BRD10: variants seen among roughly 807,000 people sequenced by gnomAD.
BRD10 encodes the protein bromodomain containing 10.
At chr9:5,921,159 C>T in the BRD10 span, 4 of 1,613,848 alleles carry the variant, frequency 2.5e-6, no homozygotes, top group Non-Finnish European at 3.4e-6. Context: ...AAAATATAGC[C>T]CTTGCTACTT....
chr9:5,916,525 G>GTA, the BRD10 span, among the ~76,000 whole-genome samples: 1 of 147,022 alleles, frequency 6.8e-6, no homozygotes, highest in Non-Finnish European at 1.5e-5. Flanking sequence ...ACATATGTGT[G>GTA]TATATATATG....
At chr9:5,964,009 TCCAAAACA>T in the BRD10 span, among the ~76,000 whole-genome samples, 3 of 151,914 alleles carry the variant, frequency 2.0e-5, no homozygotes, top group Admixed American at 6.6e-5. Flanking sequence ...GGACTTCATG[TCCAAAACA>T]CCAAAAGCAA....
chr9:5,924,629 T>A, the BRD10 span: 9 of 1,389,452 alleles, frequency 6.5e-6, no homozygotes, highest in Non-Finnish European at 7.7e-6. Flanking sequence ...GCCTTCAGTG[T>A]TGACTTAAAA....
At chr9:5,949,490 G>C in the BRD10 span, among the ~76,000 whole-genome samples, 2 of 152,160 alleles carry the variant, frequency 1.3e-5, no homozygotes, top group African/African-American at 4.8e-5. Flanking sequence ...GAGAAGTATA[G>C]TTTTTTCAGA....
the BRD10 span, among the ~76,000 whole-genome samples, chr9:6,000,173 A>C: frequency 6.6e-6 from 1 of 152,122 alleles, no homozygotes; most frequent in Non-Finnish European, 1.5e-5. Context: ...CTTTTTTCAA[A>C]GTGTACATAC....
the BRD10 span, among the ~76,000 whole-genome samples, chr9:5,886,353 T>G: frequency 6.6e-6 from 1 of 152,196 alleles, no homozygotes; most frequent in Admixed American, 6.5e-5. Context: ...ACCCTGGGGC[T>G]GGTGTGGGGG....
At chr9:5,987,859 T>C in the BRD10 span, among the ~76,000 whole-genome samples, 3 of 152,308 alleles carry the variant, frequency 2.0e-5, no homozygotes, top group African/African-American at 4.8e-5. Flanking sequence ...ATCACTCTTA[T>C]GCTCCCAGAC....
At chr9:5,917,971 A>G in the BRD10 span, among the ~76,000 whole-genome samples, 5 of 152,360 alleles carry the variant, frequency 3.3e-5, no homozygotes, top group African/African-American at 1.2e-4. Flanking sequence ...CTGAGACAAA[A>G]GGCAAACAGT....
chr9:5,955,210 A>G, the BRD10 span, among the ~76,000 whole-genome samples: 1 of 152,172 alleles, frequency 6.6e-6, no homozygotes, highest in Non-Finnish European at 1.5e-5. Flanking sequence ...AATACTAGAT[A>G]CAGGACACTG....
the BRD10 span, among the ~76,000 whole-genome samples, chr9:5,933,417 A>G: frequency 3.3e-5 from 5 of 152,200 alleles, no homozygotes; most frequent in African/African-American, 4.8e-5. Context: ...AAAGACATAC[A>G]ATATAATTTA....
the BRD10 span, chr9:5,921,435 T>G: frequency 1.4e-5 from 23 of 1,613,738 alleles, no homozygotes; most frequent in Non-Finnish European, 1.9e-5. Context: ...GCAACAAGAG[T>G]TGGGGTTGAT....
chr9:6,004,993 G>A, the BRD10 span, among the ~76,000 whole-genome samples: 3 of 152,098 alleles, frequency 2.0e-5, no homozygotes, highest in African/African-American at 7.2e-5. Context: ...ACTACTTTTT[G>A]CTACTAAAAT....
chr9:6,006,098 C>A, the BRD10 span, among the ~76,000 whole-genome samples: 1 of 152,184 alleles, frequency 6.6e-6, no homozygotes, highest in Non-Finnish European at 1.5e-5. Context: ...AAGTATAATG[C>A]CGTTTCAGAT....
At chr9:5,969,395 T>G in the BRD10 span, 3 of 1,596,292 alleles carry the variant, frequency 1.9e-6, no homozygotes. Flanking sequence ...TATTTCCTTT[T>G]GACTAGCTTC....
At chr9:6,000,871 C>G in the BRD10 span, among the ~76,000 whole-genome samples, 1 of 152,062 alleles carries the variant, frequency 6.6e-6, no homozygotes, top group Non-Finnish European at 1.5e-5. Context: ...GCCATTGGCT[C>G]CCTTGTATTT....
chr9:5,998,910 T>C, the BRD10 span, among the ~76,000 whole-genome samples: 9 of 152,136 alleles, frequency 5.9e-5, no homozygotes, highest in South Asian at 8.3e-4. Context: ...CAGTAGTCTG[T>C]GGAATACCTT....
the BRD10 span, among the ~76,000 whole-genome samples, chr9:5,936,020 T>A: frequency 4.6e-5 from 7 of 152,208 alleles, no homozygotes; most frequent in East Asian, 1.3e-3. Flanking sequence ...TTTAAACTCC[T>A]AAGACCTGCT....
the BRD10 span, among the ~76,000 whole-genome samples, chr9:5,911,586 G>A: frequency 1.3e-5 from 2 of 150,068 alleles, no homozygotes; most frequent in African/African-American, 4.9e-5. Flanking sequence ...CCCAGGCGGA[G>A]TGCAGTGGCA....
the BRD10 span, chr9:5,921,578 A>C: frequency 5.6e-6 from 9 of 1,613,924 alleles, no homozygotes; most frequent in Admixed American, 1.0e-4. Flanking sequence ...TACCAGCATA[A>C]GTTTCTGAAC....
Sources: gnomAD v4.1 joint callset for allele counts (sites outside exome capture counted in the v4.1 genomes callset) on GRCh38, gnomAD v4.1.1 for gene constraint, MANE v1.5 for transcripts, NCBI Gene and HGNC (gene_info 2026-07-23, HGNC 2026-07-21) for gene names.